Variants in GCLM observed in about 807,000 individuals in gnomAD.
GCLM encodes glutamate--cysteine ligase regulatory subunit.
In GCLM, 15 loss-of-function variants were observed where a neutral mutation model predicts 36.0. The ratio of observed to expected loss-of-function variants is 0.42; its 90% CI spans 0.28 to 0.64. GCLM has a LOEUF of 0.64. Ranked by LOEUF, GCLM falls within the 30% of genes least tolerant of loss-of-function variation. The probability of loss-of-function intolerance (pLI) is 0.25; values close to 1 mark genes in which losing one functional copy is unlikely to be tolerated. For synonymous variants in GCLM, 129 were observed against 122.8 expected (o/e 1.05, Z -0.34); for missense variants, 242 against 325.5 (o/e 0.74, Z 1.97).
chr1:93,891,274 C>T (rs1182895683), intron 6 of GCLM, among the ~76,000 whole-genome samples: 1 of 152,152 alleles, frequency 6.6e-6, no homozygotes, highest in African/African-American at 2.4e-5. Context: ...CCTCTGGCCA[C>T]ACTGGCCTCA....
At chr1:93,895,012 CTTTTTTT>C (rs562917011) in intron 5 of GCLM, among the ~76,000 whole-genome samples, 2 of 128,064 alleles carry the variant, frequency 1.6e-5, no homozygotes, top group South Asian at 2.4e-4. Flanking sequence ...CAGTACTACA[CTTTTTTT>C]TTTTTTTTTT....
chr1:93,894,825 T>TA (rs1557727847), intron 5 of GCLM, 97 bp from the exon 6 acceptor site: 1 of 645,482 alleles, frequency 1.5e-6, no homozygotes, highest in Non-Finnish European at 2.8e-6. Context: ...TTTTAGAACA[T>TA]ATGAAAAATC....
rs978064371 is a variant in GCLM at position 93,888,118 on chromosome 1, ATTC to A, written c.*869_*871del. The A allele has an allele frequency of 3.3e-5, 5 of 152,078 alleles. No homozygotes were observed. In the East Asian group the frequency reaches 9.6e-4, roughly 29 times the overall value. 9.4% of individuals were successfully genotyped at this position (152,078 alleles called of 1,614,324 possible). A position where few individuals can be genotyped will look rare whatever the true frequency, so the allele number is the denominator to read the frequency against. Reference sequence around the variant, plus strand: ...AAATATTACACATTTTACTCAACTGATTCTTAATTCCTAGCTCTATTGCCCCCT... The same window carrying A: ...AAATATTACACATTTTACTCAACTGATTAATTCCTAGCTCTATTGCCCCCT... On this transcript the variant is annotated 3_prime_UTR_variant, in exon 7 of 7. Coordinates refer to ENST00000370238, the MANE Select transcript of GCLM (RefSeq NM_002061.4).
intron 6 of GCLM, among the ~76,000 whole-genome samples, chr1:93,891,551 G>T (rs1032999020): frequency 6.6e-6 from 1 of 152,034 alleles, no homozygotes; most frequent in African/African-American, 2.4e-5. Flanking sequence ...TTATTTTATT[G>T]TCTGTCTCCT....
At chr1:93,893,493 C>A (rs1346426333) in intron 6 of GCLM, among the ~76,000 whole-genome samples, 2 of 152,164 alleles carry the variant, frequency 1.3e-5, no homozygotes, top group Non-Finnish European at 2.9e-5. Flanking sequence ...ACTGAATCAA[C>A]CCACTGATAT....
chr1:93,902,492 TA>T (rs1389649309), intron 2 of GCLM, among the ~76,000 whole-genome samples: 27 of 151,832 alleles, frequency 1.8e-4, no homozygotes, highest in African/African-American at 5.8e-4. Context: ...TTTTTTTTTT[TA>T]AATATACTTT....
intron 5 of GCLM, among the ~76,000 whole-genome samples, chr1:93,895,521 G>A (rs1314948414): frequency 6.6e-6 from 1 of 152,154 alleles, no homozygotes; most frequent in East Asian, 1.9e-4. Context: ...GACACATTTT[G>A]AAAGAGAAGA....
At position 93,902,552 on chromosome 1, in the gene GCLM, T is replaced by C. The variant is rs150629941; in HGVS notation, c.193-883A>G. Among the ~76,000 whole-genome samples, 391 of 151,990 alleles carry C rather than the reference T, an allele frequency of 2.6e-3. 1 individual carries two copies. The highest frequency in any genetic ancestry group is 8.8e-3 in the African/African-American group (365 of 41,428). The stretch of plus-strand genomic sequence containing the variant: ...ACAAGAATATCAAGTAGAAGGTAGA[T>C]TGAACAGATTTCTCATTCACTCCCT... On this transcript the variant is annotated intron_variant, in intron 2 of 6. Coordinates refer to ENST00000370238, the MANE Select transcript of GCLM (RefSeq NM_002061.4).
chr1:93,894,579 A>G (rs1656657524), intron 6 of GCLM, 35 bp downstream of exon 6: 3 of 1,080,018 alleles, frequency 2.8e-6, no homozygotes, highest in African/African-American at 1.5e-5. Flanking sequence ...ACAAAAGCTT[A>G]TGATCAATCT....
intron 3 of GCLM, among the ~76,000 whole-genome samples, chr1:93,898,208 T>C (rs1221140717): frequency 3.3e-5 from 5 of 150,128 alleles, no homozygotes; most frequent in Non-Finnish European, 7.4e-5. Flanking sequence ...TTTATATTTT[T>C]ATGACTTAAA....
intron 2 of GCLM, among the ~76,000 whole-genome samples, chr1:93,902,460 G>A (rs529043570): frequency 6.7e-6 from 1 of 150,264 alleles, no homozygotes; most frequent in Non-Finnish European, 1.5e-5. Flanking sequence ...TTACAGGCAT[G>A]AGCCACCGCG....
At chr1:93,897,670 A>T (rs1481592427) in intron 4 of GCLM, among the ~76,000 whole-genome samples, 169 bp downstream of exon 4, 4 of 152,196 alleles carry the variant, frequency 2.6e-5, no homozygotes, top group South Asian at 2.1e-4. Flanking sequence ...GACCCTACAT[A>T]AGTCAGTATG....
chr1:93,904,617 TAATC>T, intron 1 of GCLM, 29 bp from the exon 2 acceptor site: 1 of 1,415,562 alleles, frequency 7.1e-7, no homozygotes, highest in Non-Finnish European at 1.0e-6. Flanking sequence ...TTGAAACTGT[TAATC>T]AAAGTCTATA....
chr1:93,902,460 G>T (rs529043570), intron 2 of GCLM, among the ~76,000 whole-genome samples: 2 of 150,264 alleles, frequency 1.3e-5, no homozygotes, highest in Admixed American at 6.6e-5. Flanking sequence ...TTACAGGCAT[G>T]AGCCACCGCG....
At chr1:93,891,298 T>C (rs1456535825) in intron 6 of GCLM, among the ~76,000 whole-genome samples, 1 of 152,156 alleles carries the variant, frequency 6.6e-6, no homozygotes, top group East Asian at 1.9e-4. Context: ...CCTTGCTGTA[T>C]CCTGAAAACC....
At chr1:93,894,766 T>C in intron 5 of GCLM, 38 bp from the exon 6 acceptor site, 1 of 899,742 alleles carries the variant, frequency 1.1e-6, no homozygotes, top group Non-Finnish European at 1.9e-6. Context: ...CACTACTAAA[T>C]TAAATATAAT....
At chr1:93,897,517 ATT>A (rs886106567) in intron 4 of GCLM, among the ~76,000 whole-genome samples, 6 of 142,934 alleles carry the variant, frequency 4.2e-5, no homozygotes, top group African/African-American at 7.7e-5. Flanking sequence ...TTTTTTTTGG[ATT>A]TTTTTTTTTT....
At chr1:93,897,934 T>A in intron 3 of GCLM, 36 bp from the exon 4 acceptor site, 1 of 1,181,162 alleles carries the variant, frequency 8.5e-7, no homozygotes, top group Non-Finnish European at 1.2e-6. Flanking sequence ...ATTACTACAT[T>A]TGGATACACA....
Position 93,894,722 on chromosome 1 carries a change from G to A in GCLM, c.547C>T (p.Pro183Ser). Residue 183 changes from proline (P) to serine (S), a missense_variant, in exon 6 of 7, where the codon CCA becomes TCA. Physicochemically the swap from Pro to Ser is moderately conservative, Grantham distance 74 (BLOSUM62 -1). Transcript: ENST00000370238. ...GCAAGATTAACTTGGTTACTATTTG[G>A]TTTTACCTAGAAGTGAAAATAAAAT... is the stretch of plus-strand genomic sequence containing the variant. ...EQLYQWAQVK[P>S]NSNQVNLASC... 5.2e-6 allele frequency: 8 copies of A among 1,548,998 alleles called. No homozygotes were observed. Among genetic ancestry groups the A allele is most frequent in the Non-Finnish European group, 7.1e-6 (8 of 1,121,318 alleles).
Sources: allele counts gnomAD v4.1 joint callset (sites outside exome capture counted in the v4.1 genomes callset), GRCh38; gene constraint gnomAD v4.1.1; transcripts MANE v1.5; gene names NCBI Gene and HGNC (gene_info 2026-07-23, HGNC 2026-07-21).